The following RUNX1 variants were observed in gnomAD, a reference collection of about 807,000 sequenced individuals.
RUNX1 encodes the protein RUNX family transcription factor 1, also known as runt-related transcription factor 1.
A neutral mutation model predicts 42.8 loss-of-function variants in RUNX1; 19 were observed. The observed-to-expected ratio is 0.44, with a 90% CI of 0.31 to 0.65. The LOEUF is 0.65. Ranked by LOEUF, RUNX1 falls within the 30% of genes least tolerant of loss-of-function variation. The pLI, the probability that RUNX1 is intolerant of heterozygous loss-of-function variation, is 0.07. For synonymous variants in RUNX1, 271 were observed against 289.4 expected, an observed-to-expected ratio of 0.94 and a Z score of 0.64; for missense variants, 528 against 672.0, an observed-to-expected ratio of 0.79 and a Z score of 2.37.
chr21:34,894,710 C>T (rs1216449135), intron 2 of RUNX1, among the ~76,000 whole-genome samples: 1 of 152,044 alleles, frequency 6.6e-6, no homozygotes, highest in Non-Finnish European at 1.5e-5. Context: ...CCTACATCCC[C>T]CATTGAATGT....
chr21:34,975,372 T>A (rs767999879), intron 2 of RUNX1, among the ~76,000 whole-genome samples: 1 of 152,242 alleles, frequency 6.6e-6, no homozygotes, highest in African/African-American at 2.4e-5. Context: ...ATGCGCAGAC[T>A]TTTTTCCTGT....
chr21:35,047,547 A>ACTCTCT (rs1568814239), intron 2 of RUNX1, among the ~76,000 whole-genome samples: 130 of 123,148 alleles, frequency 1.1e-3, no homozygotes, highest in Non-Finnish European at 1.5e-3. Context: ...ACACACACAC[A>ACTCTCT]CACACACACA....
chr21:34,837,242 T>C (rs553909059), intron 6 of RUNX1, among the ~76,000 whole-genome samples: 4 of 152,260 alleles, frequency 2.6e-5, no homozygotes, highest in African/African-American at 4.8e-5. Flanking sequence ...TGCTGGAGGA[T>C]TGGGGAAGAG....
chr21:34,821,186 C>T (rs938040708), intron 7 of RUNX1: 20 of 1,015,328 alleles, frequency 2.0e-5, no homozygotes, highest in African/African-American at 1.4e-4. Flanking sequence ...GGGGAATTAT[C>T]GCAGAGTAGC....
chr21:35,023,175 C>A (rs2059212054), intron 2 of RUNX1, among the ~76,000 whole-genome samples: 1 of 152,056 alleles, frequency 6.6e-6, no homozygotes, highest in Non-Finnish European at 1.5e-5. Flanking sequence ...AACTCCTGGG[C>A]TCAAGTGACC....
In RUNX1 at chr21:35,001,956, A is replaced by G. The variant is rs139077752; in HGVS notation, c.58+46886T>C. Among the ~76,000 whole-genome samples, 31 of 152,322 alleles carry G rather than the reference A, an allele frequency of 2.0e-4. 1 individual carries two copies. The East Asian group carries it at 5.8e-3, about 28-fold the overall frequency. On this transcript the variant is annotated intron_variant, in intron 2 of 8. Coordinates refer to ENST00000675419, the MANE Select transcript of RUNX1 (RefSeq NM_001754.5). ...AAACAAGGAGGCAAAAGACTCATAT[A>G]CTGAAAACCACAAAATATTACTCAA...
chr21:35,037,271 T>C (rs2059315428), intron 2 of RUNX1, among the ~76,000 whole-genome samples: 1 of 152,194 alleles, frequency 6.6e-6, no homozygotes, highest in Non-Finnish European at 1.5e-5. Context: ...GGGAACAAGT[T>C]TGAGCACCCC....
At chr21:34,893,783 T>TAAAA (rs545585960) in intron 2 of RUNX1, among the ~76,000 whole-genome samples, 1,527 of 149,094 alleles carry the variant, frequency 0.01, 28 homozygotes, top group African/African-American at 0.035. Flanking sequence ...TTTTTTTTTT[T>TAAAA]AAAAAAAAAC....
At chr21:34,875,493 T>C (rs937124145) in intron 5 of RUNX1, among the ~76,000 whole-genome samples, 5 of 151,768 alleles carry the variant, frequency 3.3e-5, no homozygotes, top group Non-Finnish European at 5.9e-5. Flanking sequence ...TAGATCAGTA[T>C]GTAACAGAAG....
intron 5 of RUNX1, among the ~76,000 whole-genome samples, chr21:34,871,610 G>C (rs80337581): frequency 6.6e-6 from 1 of 152,090 alleles, no homozygotes; most frequent in Non-Finnish European, 1.5e-5. Context: ...GTAAAAACCG[G>C]TGATGGCAAA....
Position 35,004,792 on chromosome 21 carries a change from CTTG to C in RUNX1, c.58+44047_58+44049del, listed in dbSNP as rs1226473077. Among the ~76,000 whole-genome samples the C allele has an allele frequency of 5.9e-5, 9 of 152,280 alleles. No homozygotes were observed. The East Asian group carries it at 1.7e-3, about 29-fold the overall frequency. ...AGGCAGCTTTAAGTTCAGACCTTCC[CTTG>C]TTGTCTGCTTGCTGGAGAAGTGTCT... On this transcript the variant is annotated intron_variant, in intron 2 of 8. Transcript: ENST00000675419.
Position 34,789,525 on chromosome 21 carries a change from C to T in RUNX1, c.*2610G>A, listed in dbSNP as rs556550113. 1.4e-4 allele frequency: 33 copies of T among 233,386 alleles called. No individual in the cohort carries two copies. The highest frequency in any genetic ancestry group is 2.5e-4 in the Non-Finnish European group (29 of 118,040). 14.5% of individuals were successfully genotyped at this position (233,386 alleles called of 1,614,324 possible). On this transcript the variant is annotated 3_prime_UTR_variant, in exon 9 of 9. Coordinates refer to ENST00000675419, the MANE Select transcript of RUNX1 (RefSeq NM_001754.5). ...AGGGTCTCATTGATACCTTAACTTTCCTGAGGGCAATGAATAAAAAGATAC... is the reference window on the plus strand; with the variant it reads ...AGGGTCTCATTGATACCTTAACTTTTCTGAGGGCAATGAATAAAAAGATAC...
intron 5 of RUNX1, among the ~76,000 whole-genome samples, chr21:34,862,358 C>T (rs554604325): frequency 6.6e-6 from 1 of 152,284 alleles, no homozygotes; most frequent in East Asian, 1.9e-4. Flanking sequence ...TCTTCTGTTG[C>T]CTACAACTCT....
rs143947839 is a variant in RUNX1, at chr21:34,792,492, C to G, written c.1086G>C (p.Ser362=). The part of the protein sequence containing the change: ...AFTYSPTPVT[S]GIGIGMSAMG... ...TGGCCGACATGCCGATGCCGATGCC[C>G]GAGGTGACCGGCGTCGGGGAGTAGG... is the stretch of plus-strand genomic sequence containing the variant. Residue 362 remains serine, a synonymous_variant, in exon 9 of 9, where the codon TCG becomes TCC. Coordinates refer to ENST00000675419, the MANE Select transcript of RUNX1 (RefSeq NM_001754.5). The surrounding 1 kb of genome is among the most constrained non-coding windows in gnomAD (Gnocchi z 6.9). 1.4e-4 allele frequency: 226 copies of G among 1,594,828 alleles called. 1 individual carries two copies. In the African/African-American group the frequency reaches 2.3e-3, roughly 16 times the overall value.
chr21:34,834,671 A>G, intron 6 of RUNX1, 70 bp from the exon 7 acceptor site: 1 of 1,371,872 alleles, frequency 7.3e-7, no homozygotes, highest in East Asian at 2.3e-5. Context: ...CAGAAAAAGT[A>G]TTGTGGATTT....
At chr21:34,820,980 A>G (rs879401571) in intron 7 of RUNX1, among the ~76,000 whole-genome samples, 1 of 152,220 alleles carries the variant, frequency 6.6e-6, no homozygotes, top group Non-Finnish European at 1.5e-5. Flanking sequence ...TCTCATGAGT[A>G]AAATATAGGG....
intron 2 of RUNX1, among the ~76,000 whole-genome samples, chr21:35,047,514 A>AACACACACAC (rs145398828): frequency 3.3e-4 from 23 of 70,582 alleles, no homozygotes; most frequent in Non-Finnish European, 4.2e-4. Context: ...TGCCATCTCC[A>AACACACACAC]ACACACACAC....
chr21:34,930,296 A>ATG (rs1569110424), intron 2 of RUNX1, among the ~76,000 whole-genome samples: 1 of 140,686 alleles, frequency 7.1e-6, no homozygotes, highest in African/African-American at 2.8e-5. Context: ...ATATATAAAT[A>ATG]AATAAATAAA....
chr21:35,043,226 T>C (rs78694181), intron 2 of RUNX1, among the ~76,000 whole-genome samples: 132 of 152,308 alleles, frequency 8.7e-4, no homozygotes, highest in Non-Finnish European at 1.1e-3. Context: ...CAGGACATCC[T>C]AGTTATTATA....
Sources: gnomAD v4.1 joint callset for allele counts (sites outside exome capture counted in the v4.1 genomes callset) on GRCh38, gnomAD v4.1.1 for gene constraint, Gnocchi (gnomAD v3.1) non-coding constraint, MANE v1.5 for transcripts, NCBI Gene and HGNC (gene_info 2026-07-23, HGNC 2026-07-21) for gene names.